Variants in BCL11A observed in about 807,000 individuals in gnomAD.
BCL11A encodes B cell CLL/lymphoma 11A.
In BCL11A, 2 loss-of-function variants were observed where a neutral mutation model predicts 55.9. That is an observed-to-expected ratio of 0.04 (90% confidence interval 0.01 to 0.11). BCL11A has a LOEUF of 0.11. Ranked by LOEUF, BCL11A falls within the 10% of genes least tolerant of loss-of-function variation. BCL11A has a pLI of 1.00. For missense variants in BCL11A, 817 were observed against 1,137.1 expected (o/e 0.72, Z 4.05); for synonymous variants, 465 against 473.4 (o/e 0.98, Z 0.23).
chr2:60,538,951 C>T (rs575896532), intron 2 of BCL11A, among the ~76,000 whole-genome samples: 1 of 152,262 alleles, frequency 6.6e-6, no homozygotes, highest in Non-Finnish European at 1.5e-5. Flanking sequence ...TGCATTTCTC[C>T]ATACCAGCAC....
At chr2:60,552,343 A>C (rs7576657) in intron 1 of BCL11A, among the ~76,000 whole-genome samples, 95,059 of 151,878 alleles carry the variant, frequency 0.63, 30,643 homozygotes, top group Middle Eastern at 0.75. Context: ...GCAACCCAGG[A>C]GGCAGCAGTC....
At chr2:60,484,868 G>C (rs1341776828) in intron 2 of BCL11A, among the ~76,000 whole-genome samples, 1 of 151,536 alleles carries the variant, frequency 6.6e-6, no homozygotes, top group African/African-American at 2.4e-5. Flanking sequence ...TGGGAGAAGG[G>C]GTGTGTGTTC....
chr2:60,520,922 A>C (rs1668951455), intron 2 of BCL11A, among the ~76,000 whole-genome samples: 1 of 152,186 alleles, frequency 6.6e-6, no homozygotes, highest in African/African-American at 2.4e-5. Flanking sequence ...CAACAGTAGA[A>C]AGAAGAAAAA....
intron 2 of BCL11A, among the ~76,000 whole-genome samples, chr2:60,520,724 C>T (rs1380592077): frequency 6.6e-6 from 1 of 150,988 alleles, no homozygotes; most frequent in Non-Finnish European, 1.5e-5. Flanking sequence ...CCCCCACCCC[C>T]ACCCCATGTT....
intron 2 of BCL11A, chr2:60,524,810 T>C (rs1669139418): frequency 6.6e-6 from 1 of 152,284 alleles, no homozygotes; most frequent in South Asian, 2.1e-4. Context: ...TCTGAAAACA[T>C]TTCATATCTC....
intron 1 of BCL11A, chr2:60,550,948 A>T (rs1670387471): frequency 4.8e-6 from 1 of 209,002 alleles, no homozygotes; most frequent in Admixed American, 6.2e-5. Flanking sequence ...GGGGCGGGGG[A>T]GAGCGGCGAG....
At chr2:60,520,680 A>T (rs1668938411) in intron 2 of BCL11A, among the ~76,000 whole-genome samples, 3 of 152,152 alleles carry the variant, frequency 2.0e-5, no homozygotes, top group Non-Finnish European at 2.9e-5. Context: ...CACCAAGGAG[A>T]GTGAAGATAT....
downstream of BCL11A, among the ~76,000 whole-genome samples, chr2:60,455,987 C>T (rs1284748787): frequency 6.6e-6 from 1 of 152,180 alleles, no homozygotes; most frequent in Non-Finnish European, 1.5e-5. Context: ...CACCCCACCT[C>T]CTATGTAATA....
At chr2:60,485,999 C>T (rs1370227952) in intron 2 of BCL11A, among the ~76,000 whole-genome samples, 1 of 151,840 alleles carries the variant, frequency 6.6e-6, no homozygotes, top group African/African-American at 2.4e-5. Flanking sequence ...GTTCTCCTCT[C>T]CCCCACCACA....
At chr2:60,481,284 A>C (rs1389954862) in intron 2 of BCL11A, among the ~76,000 whole-genome samples, 1 of 152,100 alleles carries the variant, frequency 6.6e-6, no homozygotes, top group Non-Finnish European at 1.5e-5. Flanking sequence ...ACATGCTGGA[A>C]GGCAAGAAGA....
chr2:60,461,962 C>G lies in BCL11A; in HGVS notation c.950G>C (p.Arg317Thr), dbSNP rs1172295976. The change falls in exon 4 of 4, where the codon AGG (arginine) becomes ACG (threonine). Residue 317 changes from arginine (R) to threonine (T), a missense_variant. Transcript: ENST00000642384. Reference protein sequence around the residue: ...AMEPPAMDFSRRLRELAGNTS... With the variant: ...AMEPPAMDFSTRLRELAGNTS... ...GTTCCCTGCCAGCTCTCTAAGTCTC[C>G]TAGAGAAATCCATGGCGGGAGGCTC... 6.2e-7 allele frequency: 1 copy of G among 1,613,908 alleles called. No homozygotes were observed.
At chr2:60,515,111 G>A (rs1001000306) in intron 2 of BCL11A, among the ~76,000 whole-genome samples, 5 of 152,048 alleles carry the variant, frequency 3.3e-5, no homozygotes, top group African/African-American at 7.2e-5. Flanking sequence ...CCTCCCCCAC[G>A]TGCTCCTTCC....
chr2:60,551,000 G>C (rs935489757), intron 1 of BCL11A: 1 of 391,842 alleles, frequency 2.6e-6, no homozygotes, highest in Middle Eastern at 6.5e-4. Context: ...GCCGCGCAAC[G>C]TGCCGGGGTG....
At chr2:60,500,415 G>A (rs1573014600) in intron 2 of BCL11A, among the ~76,000 whole-genome samples, 1 of 152,220 alleles carries the variant, frequency 6.6e-6, no homozygotes, top group East Asian at 1.9e-4. Flanking sequence ...CTTCAGAGAA[G>A]GGCAGGGAGC....
exon 5 of BCL11A, chr2:60,451,727 G>A (rs529831210): frequency 9.6e-5 from 22 of 229,940 alleles, no homozygotes; most frequent in Middle Eastern, 1.3e-3. Context: ...TTTACCGCTC[G>A]CCCAGTGATG....
chr2:60,468,301 T>C (rs1343625738), intron 3 of BCL11A, among the ~76,000 whole-genome samples: 3 of 152,158 alleles, frequency 2.0e-5, no homozygotes, highest in Non-Finnish European at 4.4e-5. Context: ...GGAATATGCA[T>C]TGGAATAACT....
chr2:60,553,843 G>C (rs1395127905), upstream of BCL11A: 4 of 97,250 alleles, frequency 4.1e-5, no homozygotes, highest in African/African-American at 1.5e-4. Context: ...GGAGGGGCGG[G>C]CCGAGGGGAG....
At chr2:60,503,368 C>T (rs895909976) in intron 2 of BCL11A, among the ~76,000 whole-genome samples, 1 of 152,214 alleles carries the variant, frequency 6.6e-6, no homozygotes, top group Admixed American at 6.5e-5. Flanking sequence ...TTACCCATGC[C>T]ACCCACCGCA....
intron 2 of BCL11A, among the ~76,000 whole-genome samples, chr2:60,481,817 A>G (rs1677977373): frequency 6.6e-6 from 1 of 152,132 alleles, no homozygotes; most frequent in South Asian, 2.1e-4. Flanking sequence ...TTTGACCATC[A>G]CAGTGTCCTG....
Sources: gnomAD v4.1 joint callset for allele counts (sites outside exome capture counted in the v4.1 genomes callset) on GRCh38, gnomAD v4.1.1 for gene constraint, MANE v1.5 for transcripts, NCBI Gene and HGNC (gene_info 2026-07-23, HGNC 2026-07-21) for gene names.